The following BABAM2 variants were observed in gnomAD, a reference collection of about 807,000 sequenced individuals.
BABAM2 encodes the protein BRISC and BRCA1-A complex member 2.
BABAM2 carries 31 observed loss-of-function variants against 54.7 expected under a neutral mutation model. The observed-to-expected ratio is 0.57, with a 90% CI of 0.43 to 0.77. BABAM2 has a LOEUF of 0.77. Among genes scored for constraint, BABAM2 ranks in the 30% least tolerant of loss-of-function variants. The pLI, the probability that BABAM2 is intolerant of heterozygous loss-of-function variation, is 0.00. For missense variants in BABAM2, 364 were observed against 455.8 expected (o/e 0.80, Z 1.83); for synonymous variants, 167 against 162.9 (o/e 1.03, Z -0.19).
chr2:28,163,765 C>G (rs999849615), intron 7 of BABAM2, among the ~76,000 whole-genome samples: 2 of 152,136 alleles, frequency 1.3e-5, no homozygotes, highest in African/African-American at 4.8e-5. Context: ...GGAGCTGGGT[C>G]AGAGGCCTCA....
chr2:28,111,152 A>AT (rs374683605), intron 6 of BABAM2, among the ~76,000 whole-genome samples: 2,552 of 109,362 alleles, frequency 0.023, 35 homozygotes, highest in South Asian at 0.054. Flanking sequence ...TTTTTTTTGT[A>AT]TTTTTTTTTT....
At chr2:28,187,272 G>A (rs1676412606) in intron 7 of BABAM2, among the ~76,000 whole-genome samples, 1 of 152,134 alleles carries the variant, frequency 6.6e-6, no homozygotes, top group African/African-American at 2.4e-5. Context: ...TAAGCTCCTA[G>A]AGACCCATAG....
At chr2:27,891,290 C>A (rs1447200225) in intron 1 of BABAM2, among the ~76,000 whole-genome samples, 1 of 152,122 alleles carries the variant, frequency 6.6e-6, no homozygotes, top group Non-Finnish European at 1.5e-5. Flanking sequence ...AGGATGCCAC[C>A]CCTTTCCGTT....
intron 10 of BABAM2, among the ~76,000 whole-genome samples, chr2:28,286,430 T>G (rs1686821890): frequency 2.0e-5 from 3 of 152,178 alleles, no homozygotes; most frequent in Non-Finnish European, 4.4e-5. Flanking sequence ...CACTATGTGT[T>G]CAGAGCACTC....
chr2:28,232,876 A>G (rs1681546109), intron 7 of BABAM2, among the ~76,000 whole-genome samples: 1 of 152,188 alleles, frequency 6.6e-6, no homozygotes, highest in Admixed American at 6.5e-5. Flanking sequence ...TAGTATTAAT[A>G]CATTCAGTAT....
At chr2:28,267,515 A>G (rs1320540797) in intron 10 of BABAM2, among the ~76,000 whole-genome samples, 1 of 152,198 alleles carries the variant, frequency 6.6e-6, no homozygotes, top group Admixed American at 6.5e-5. Context: ...TCTAACACCT[A>G]TAACAAGCAA....
upstream of BABAM2, chr2:27,889,871 C>T (rs369196820): frequency 5.6e-5 from 11 of 196,186 alleles, 1 homozygote; most frequent in African/African-American, 2.6e-4. Flanking sequence ...TCACAACAAC[C>T]CTGTGAGGTA....
rs967648033 is a variant in BABAM2 at position 28,116,103 on chromosome 2, G to A, written c.571-13168G>A. ...GCACTCCAGCCTGGGCAACGAGAGC[G>A]AAACTCCGTCTCAAAAAAAAAAAAA... On this transcript the variant is annotated intron_variant, in intron 6 of 11. Coordinates refer to ENST00000379624, the MANE Select transcript of BABAM2 (RefSeq NM_199191.3). 3.3e-5 allele frequency among the ~76,000 whole-genome samples: 5 copies of A among 150,538 alleles called. No homozygotes were observed. In the East Asian group the frequency reaches 5.9e-4, roughly 18 times the overall value.
At chr2:28,076,505 G>GTTAC (rs1558313550) in intron 6 of BABAM2, among the ~76,000 whole-genome samples, 1 of 147,446 alleles carries the variant, frequency 6.8e-6, no homozygotes, top group Non-Finnish European at 1.5e-5. Context: ...TAGTTAGTTA[G>GTTAC]TTATTTTTGA....
chr2:28,111,043 A>G (rs971604151), intron 6 of BABAM2, among the ~76,000 whole-genome samples: 84 of 146,282 alleles, frequency 5.7e-4, no homozygotes, highest in African/African-American at 2.0e-3. Context: ...ATCTCGGCTC[A>G]CTGCAACCTC....
At chr2:27,975,592 C>T (rs1671535569) in intron 3 of BABAM2, among the ~76,000 whole-genome samples, 1 of 151,968 alleles carries the variant, frequency 6.6e-6, no homozygotes, top group African/African-American at 2.4e-5. Context: ...AATTTCAAAC[C>T]ATAAAAATCC....
chr2:28,271,470 T>C (rs1352993575), intron 10 of BABAM2, among the ~76,000 whole-genome samples: 1 of 152,174 alleles, frequency 6.6e-6, no homozygotes, highest in Non-Finnish European at 1.5e-5. Context: ...CATGACTCTG[T>C]CACAGTCTTC....
intron 2 of BABAM2, among the ~76,000 whole-genome samples, chr2:27,914,705 G>A (rs144797296): frequency 2.1e-4 from 32 of 152,226 alleles, no homozygotes; most frequent in African/African-American, 6.3e-4. Context: ...AAACAGAAGA[G>A]AATGGAACAA....
Position 27,894,603 on chromosome 2 carries a change from C to T in BABAM2, c.47C>T (p.Pro16Leu). ...AACCGAATATCTCCAATGCTCTCCCCTTTCATATCTAGCGTGGTCCGGAAT... is the reference window on the plus strand; with the variant it reads ...AACCGAATATCTCCAATGCTCTCCCTTTTCATATCTAGCGTGGTCCGGAAT... ...ALNRISPMLS[P>L]FISSVVRNGK... The change falls in exon 2 of 12, where the codon CCT becomes CTT. Residue 16 changes from proline (P) to leucine (L), a missense_variant. By Grantham distance (98) the Pro-to-Leu change is moderately conservative (BLOSUM62 -3). Transcript: ENST00000379624. The T allele has an allele frequency of 6.2e-7, 1 of 1,614,006 alleles. No homozygotes were observed. Among genetic ancestry groups the T allele is most frequent in the East Asian group, 2.2e-5 (1 of 44,888 alleles).
intron 4 of BABAM2, among the ~76,000 whole-genome samples, chr2:28,012,783 T>A (rs1460694912): frequency 1.3e-5 from 2 of 152,212 alleles, no homozygotes; most frequent in Non-Finnish European, 2.9e-5. Flanking sequence ...GAGGGTATTC[T>A]TTTCATTCCT....
chr2:28,286,503 C>T lies in BABAM2; in HGVS notation c.935-11835C>T, dbSNP rs533048861. 6.4e-4 allele frequency among the ~76,000 whole-genome samples: 98 copies of T among 152,274 alleles called. 1 individual carries two copies. The highest frequency in any genetic ancestry group is 1.8e-3 in the African/African-American group (74 of 41,562). On this transcript the variant is annotated intron_variant, in intron 10 of 11. Transcript: ENST00000379624. Reference sequence around the variant, plus strand: ...AGCTTCTGTCCTCCAGCCTGTATTCCGTCTACCCAGATCCCCCGCATTCCC... The same window carrying T: ...AGCTTCTGTCCTCCAGCCTGTATTCTGTCTACCCAGATCCCCCGCATTCCC...
At chr2:28,184,176 A>C (rs1328174745) in intron 7 of BABAM2, among the ~76,000 whole-genome samples, 2 of 151,766 alleles carry the variant, frequency 1.3e-5, no homozygotes, top group African/African-American at 4.8e-5. Flanking sequence ...ATCAAGAACT[A>C]GGACTGCCTC....
In BABAM2 at chr2:27,995,621, C is replaced by T. The variant is rs1673084446; in HGVS notation, c.300+7534C>T. On this transcript the variant is annotated intron_variant, in intron 4 of 11. Coordinates refer to ENST00000379624, the MANE Select transcript of BABAM2 (RefSeq NM_199191.3). This position sits in a 1 kb window ranked among gnomAD's most constrained non-coding sequence, Gnocchi z 4.1. ...CTTAGATGGAGTCTTGCTCTGTTGC[C>T]CAGGCTAGAGTGGAGTGGCTCAATC... Among the ~76,000 whole-genome samples, 1 of 151,946 alleles carries T rather than the reference C, an allele frequency of 6.6e-6. No homozygotes were observed. Among genetic ancestry groups the T allele is most frequent in the Non-Finnish European group, 1.5e-5 (1 of 68,002 alleles).
chr2:28,080,990 T>C (rs547596719), intron 6 of BABAM2, among the ~76,000 whole-genome samples: 14 of 152,320 alleles, frequency 9.2e-5, no homozygotes, highest in Non-Finnish European at 1.8e-4. Context: ...AGGCAATGTA[T>C]CATGCTTTCC....
Sources: allele counts gnomAD v4.1 joint callset (sites outside exome capture counted in the v4.1 genomes callset), GRCh38; gene constraint gnomAD v4.1.1; non-coding constraint Gnocchi (gnomAD v3.1); transcripts MANE v1.5; gene names NCBI Gene and HGNC (gene_info 2026-07-23, HGNC 2026-07-21).